PMEPA1: variants seen among roughly 807,000 people sequenced by gnomAD.
The protein encoded by PMEPA1 is prostate transmembrane protein, androgen induced 1, also known as protein TMEPAI.
PMEPA1 carries 11 observed loss-of-function variants against 23.0 expected under a neutral mutation model. The ratio of observed to expected loss-of-function variants is 0.48; its 90% CI spans 0.30 to 0.79. PMEPA1 has a LOEUF of 0.79. Among genes scored for constraint, PMEPA1 ranks in the 30% least tolerant of loss-of-function variants. PMEPA1 has a pLI of 0.06. For synonymous variants in PMEPA1, 204 were observed against 166.4 expected (o/e 1.23, Z -1.74); for missense variants, 377 against 390.9 (o/e 0.96, Z 0.30).
At chr20:57,673,019 C>T (rs1362332457) in intron 1 of PMEPA1, among the ~76,000 whole-genome samples, 2 of 152,178 alleles carry the variant, frequency 1.3e-5, no homozygotes, top group Admixed American at 1.3e-4. Flanking sequence ...TACTTAGGTG[C>T]GCAGTAAGTA....
At position 57,669,142 on chromosome 20, in the gene PMEPA1, C is replaced by CATTTATTTATTTATTT. The variant is rs10523107; in HGVS notation, c.110-9461_110-9446dup. Among the ~76,000 whole-genome samples, 1,287 of 145,608 alleles carry CATTTATTTATTTATTT rather than the reference C, an allele frequency of 8.8e-3. 18 individuals are homozygous for CATTTATTTATTTATTT. Among genetic ancestry groups the CATTTATTTATTTATTT allele is most frequent in the African/African-American group, 0.023 (898 of 39,480 alleles). On this transcript the variant is annotated intron_variant, in intron 1 of 3. Transcript: ENST00000341744. ...AATGACTACACTGAATAAAAAAGCACATTTATTTATTTATTTATTTATTTA... is the reference window on the plus strand; with the variant it reads ...AATGACTACACTGAATAAAAAAGCACATTTATTTATTTATTTATTTATTTATTTATTTATTTATTTA...
At chr20:57,700,668 C>T (rs1284465647) in intron 1 of PMEPA1, among the ~76,000 whole-genome samples, 1 of 152,190 alleles carries the variant, frequency 6.6e-6, no homozygotes, top group Non-Finnish European at 1.5e-5. Flanking sequence ...ATAAAATTCT[C>T]TTTTCTGCCA....
At position 57,655,036 on chromosome 20, in the gene PMEPA1, A is replaced by G. The variant is rs112757627; in HGVS notation, c.265-1950T>C. On this transcript the variant is annotated intron_variant, in intron 2 of 3. Transcript: ENST00000341744. This position sits in a 1 kb window ranked among gnomAD's most constrained non-coding sequence, Gnocchi z 4.2. ...GTTCCAACCCCTTACCGAGGCCCAT[A>G]CCCCCTAGATGTCCACGGCCGTAGT... Among the ~76,000 whole-genome samples, 6,187 of 150,056 alleles carry G rather than the reference A, an allele frequency of 0.041. 160 individuals are homozygous for G. Among genetic ancestry groups the G allele is most frequent in the African/African-American group, 0.072 (2,930 of 40,580 alleles).
At chr20:57,697,697 A>G (rs778389513) in intron 1 of PMEPA1, among the ~76,000 whole-genome samples, 3 of 152,254 alleles carry the variant, frequency 2.0e-5, no homozygotes, top group Non-Finnish European at 2.9e-5. Context: ...CACTGCAGGA[A>G]GAAATATTCC....
intron 1 of PMEPA1, among the ~76,000 whole-genome samples, chr20:57,660,737 T>C (rs2071405569): frequency 7.5e-6 from 1 of 133,754 alleles, no homozygotes; most frequent in African/African-American, 3.0e-5. Context: ...CTAACACTCC[T>C]ACACACACAA....
chr20:57,703,933 A>G (rs1188779513), intron 1 of PMEPA1, among the ~76,000 whole-genome samples: 2 of 152,044 alleles, frequency 1.3e-5, no homozygotes, highest in Admixed American at 6.5e-5. Flanking sequence ...CCCACTTTAC[A>G]GACCCATCAG....
intron 1 of PMEPA1, chr20:57,700,015 C>A (rs1196910204): frequency 4.2e-6 from 2 of 471,162 alleles, no homozygotes; most frequent in South Asian, 3.1e-5. Context: ...TAAAAACACA[C>A]CTTTTTGTAT....
At chr20:57,659,125 A>G (rs2071370029) in intron 2 of PMEPA1, among the ~76,000 whole-genome samples, 1 of 151,982 alleles carries the variant, frequency 6.6e-6, no homozygotes, top group Admixed American at 6.5e-5. Flanking sequence ...AGGCTCCCCC[A>G]GGTCCCAGTG....
At chr20:57,659,837 C>T (rs924318366) in intron 1 of PMEPA1, 140 bp from the exon 2 acceptor site, 3 of 764,354 alleles carry the variant, frequency 3.9e-6, no homozygotes, top group African/African-American at 1.7e-5. Context: ...GCCACTCTCC[C>T]GGCAAGGTCA....
chr20:57,669,477 G>C (rs533247447), intron 1 of PMEPA1, among the ~76,000 whole-genome samples: 2 of 152,242 alleles, frequency 1.3e-5, no homozygotes, highest in South Asian at 4.1e-4. Context: ...CATTTATTCT[G>C]GTGTACACAG....
At chr20:57,667,850 T>G (rs2071516173) in intron 1 of PMEPA1, among the ~76,000 whole-genome samples, 1 of 151,786 alleles carries the variant, frequency 6.6e-6, no homozygotes, top group East Asian at 1.9e-4. Flanking sequence ...CCCAGCTCCC[T>G]GCCACCCCAC....
At chr20:57,661,022 C>T (rs1235174924) in intron 1 of PMEPA1, among the ~76,000 whole-genome samples, 3 of 152,228 alleles carry the variant, frequency 2.0e-5, no homozygotes, top group Non-Finnish European at 2.9e-5. Context: ...ACACACGCCA[C>T]GCTCAACAGG....
intron 1 of PMEPA1, among the ~76,000 whole-genome samples, chr20:57,668,691 G>C (rs532193293): frequency 6.6e-6 from 1 of 152,216 alleles, no homozygotes. Context: ...CATATAGACA[G>C]CTGGGTGCTG....
chr20:57,698,405 C>T (rs1315932627), intron 1 of PMEPA1, among the ~76,000 whole-genome samples: 1 of 152,124 alleles, frequency 6.6e-6, no homozygotes, highest in African/African-American at 2.4e-5. Flanking sequence ...ATGAATCAGC[C>T]CTGGCTCACC....
chr20:57,668,271 G>A (rs2071521416), intron 1 of PMEPA1, among the ~76,000 whole-genome samples: 1 of 152,218 alleles, frequency 6.6e-6, no homozygotes, highest in African/African-American at 2.4e-5. Context: ...TAGAATCTTG[G>A]GATAGAGGTT....
rs760089605 is a variant in PMEPA1, at chr20:57,653,110, C to G, written c.265-24G>C. 1.8e-5 allele frequency: 28 copies of G among 1,565,158 alleles called. No individual in the cohort carries two copies. The Admixed American group carries it at 5.3e-4, about 29-fold the overall frequency. ...TCCTGCACAGGAAGAAACGTACAAG[C>G]AGGGTCAGTGGGGTGGGCAGGAGGG... On this transcript the variant is annotated intron_variant, in intron 2 of 3. Transcript: ENST00000341744.
chr20:57,698,401 C>A (rs563198027), intron 1 of PMEPA1, among the ~76,000 whole-genome samples: 1 of 152,306 alleles, frequency 6.6e-6, no homozygotes, highest in South Asian at 2.1e-4. Flanking sequence ...CCATATGAAT[C>A]AGCCCTGGCT....
At chr20:57,708,864 G>C (rs1299422393) in intron 1 of PMEPA1, among the ~76,000 whole-genome samples, 1 of 152,042 alleles carries the variant, frequency 6.6e-6, no homozygotes, top group Non-Finnish European at 1.5e-5. Context: ...GACACACAGA[G>C]AGAGGCAGGA....
chr20:57,665,467 G>A (rs929902192), intron 1 of PMEPA1, among the ~76,000 whole-genome samples: 3 of 150,018 alleles, frequency 2.0e-5, no homozygotes, highest in African/African-American at 5.0e-5. Context: ...GTGTGATGCT[G>A]TGCGCATCTA....
Sources: allele counts gnomAD v4.1 joint callset (sites outside exome capture counted in the v4.1 genomes callset), GRCh38; gene constraint gnomAD v4.1.1; non-coding constraint Gnocchi (gnomAD v3.1); transcripts MANE v1.5; gene names NCBI Gene and HGNC (gene_info 2026-07-23, HGNC 2026-07-21).